OVAAL: variants seen among roughly 807,000 people sequenced by gnomAD.
The protein encoded by OVAAL is long intergenic non-protein coding RNA 1131.
intron 1 of OVAAL, among the ~76,000 whole-genome samples, chr1:180,560,706 A>G (rs1228627952): frequency 6.6e-6 from 1 of 152,250 alleles, no homozygotes; most frequent in African/African-American, 2.4e-5. Flanking sequence ...GAGAACATTC[A>G]GCCCACTAAA....
exon 3 of OVAAL, chr1:180,565,821 A>G (rs1257932632): frequency 2.0e-5 from 3 of 152,238 alleles, no homozygotes; most frequent in Non-Finnish European, 2.9e-5. Flanking sequence ...AATAATAAAA[A>G]TAAGAAGAAT....
intron 2 of OVAAL, among the ~76,000 whole-genome samples, chr1:180,563,952 G>A (rs1653252815): frequency 6.6e-6 from 1 of 152,084 alleles, no homozygotes; most frequent in Non-Finnish European, 1.5e-5. Flanking sequence ...TCACCCGATG[G>A]TCGCCTGACT....
At chr1:180,560,318 G>A (rs1392711473) in intron 1 of OVAAL, among the ~76,000 whole-genome samples, 2 of 152,126 alleles carry the variant, frequency 1.3e-5, no homozygotes, top group African/African-American at 2.4e-5. Flanking sequence ...ACAAGCACTC[G>A]ATATAAGAAC....
At chr1:180,564,097 T>C (rs1421672322) in intron 2 of OVAAL, among the ~76,000 whole-genome samples, 1 of 152,182 alleles carries the variant, frequency 6.6e-6, no homozygotes, top group African/African-American at 2.4e-5. Flanking sequence ...CTATTAGTTA[T>C]GTTGGCAAAA....
intron 1 of OVAAL, among the ~76,000 whole-genome samples, chr1:180,559,373 T>C (rs765670421): frequency 2.3e-4 from 35 of 152,188 alleles, no homozygotes; most frequent in Non-Finnish European, 3.8e-4. Context: ...GAGGAACTTA[T>C]TGGGAACTGG....
At chr1:180,563,161 C>G (rs890103070) in intron 2 of OVAAL, among the ~76,000 whole-genome samples, 3 of 152,106 alleles carry the variant, frequency 2.0e-5, no homozygotes, top group African/African-American at 7.2e-5. Flanking sequence ...CTCCTGCAGG[C>G]CCTAGGATGC....
chr1:180,566,204 T>C (rs1490924127), exon 3 of OVAAL: 2 of 152,196 alleles, frequency 1.3e-5, no homozygotes, highest in Non-Finnish European at 2.9e-5. Flanking sequence ...AGAGAGCAGG[T>C]TTGAACGTCT....
intron 1 of OVAAL, among the ~76,000 whole-genome samples, chr1:180,560,670 A>AC (rs1557912294): frequency 6.6e-6 from 1 of 152,226 alleles, no homozygotes; most frequent in African/African-American, 2.4e-5. Flanking sequence ...TGTATAACCT[A>AC]CACCTTTACT....
At chr1:180,561,677 G>A (rs757333441) in intron 1 of OVAAL, among the ~76,000 whole-genome samples, 46 of 152,146 alleles carry the variant, frequency 3.0e-4, no homozygotes, top group Non-Finnish European at 5.4e-4. Context: ...CTGGAAAATC[G>A]AAGACCAGCA....
chr1:180,561,382 G>C (rs1653196349), intron 1 of OVAAL, among the ~76,000 whole-genome samples: 1 of 152,152 alleles, frequency 6.6e-6, no homozygotes, highest in Non-Finnish European at 1.5e-5. Context: ...GGCATTTGCT[G>C]TCAGAACAAT....
chr1:180,563,397 G>T (rs760140585), intron 2 of OVAAL, among the ~76,000 whole-genome samples: 2 of 152,126 alleles, frequency 1.3e-5, no homozygotes, highest in African/African-American at 4.8e-5. Context: ...AATTCGTACG[G>T]GTCGGCAGCA....
At chr1:180,562,564 C>T (rs1557912798) in intron 2 of OVAAL, among the ~76,000 whole-genome samples, 1 of 152,084 alleles carries the variant, frequency 6.6e-6, no homozygotes, top group African/African-American at 2.4e-5. Context: ...AGCCCTAAGT[C>T]AAGCAGAGGC....
intron 1 of OVAAL, among the ~76,000 whole-genome samples, chr1:180,560,671 C>T (rs1294004617): frequency 6.6e-6 from 1 of 152,188 alleles, no homozygotes; most frequent in African/African-American, 2.4e-5. Context: ...GTATAACCTA[C>T]ACCTTTACTG....
At chr1:180,565,577 G>A (rs1209734052) in exon 3 of OVAAL, 2 of 152,118 alleles carry the variant, frequency 1.3e-5, no homozygotes, top group East Asian at 1.9e-4. Context: ...ACCTGTCCAC[G>A]TATCATTAAA....
At chr1:180,559,662 C>T (rs1653167227) in intron 1 of OVAAL, among the ~76,000 whole-genome samples, 1 of 152,064 alleles carries the variant, frequency 6.6e-6, no homozygotes, top group African/African-American at 2.4e-5. Context: ...AATCCCAGCA[C>T]TTTGGGAGGC....
chr1:180,564,936 C>T (rs1283464553), intron 2 of OVAAL, among the ~76,000 whole-genome samples: 1 of 152,130 alleles, frequency 6.6e-6, no homozygotes, highest in Non-Finnish European at 1.5e-5. Flanking sequence ...TAATGAGAAC[C>T]ATTGTCCTAT....
intron 1 of OVAAL, among the ~76,000 whole-genome samples, chr1:180,561,721 T>A (rs1317483607): frequency 6.6e-6 from 1 of 151,904 alleles, no homozygotes; most frequent in Non-Finnish European, 1.5e-5. Context: ...TAATTTTATT[T>A]TTTTTTTAAT....
intron 2 of OVAAL, among the ~76,000 whole-genome samples, chr1:180,564,833 T>C (rs931401860): frequency 4.6e-5 from 7 of 152,118 alleles, no homozygotes; most frequent in African/African-American, 1.7e-4. Context: ...CACTGATGTT[T>C]GAGCCCCACT....
chr1:180,563,805 C>T (rs574747163), intron 2 of OVAAL, among the ~76,000 whole-genome samples: 1 of 152,260 alleles, frequency 6.6e-6, no homozygotes, highest in South Asian at 2.1e-4. Flanking sequence ...AGTCCGCACG[C>T]CCAACTCCTG....
Sources: gnomAD v4.1 joint callset for allele counts (sites outside exome capture counted in the v4.1 genomes callset) on GRCh38, gnomAD v4.1.1 for gene constraint, MANE v1.5 for transcripts, NCBI Gene and HGNC (gene_info 2026-07-23, HGNC 2026-07-21) for gene names.